The following GABRP variants were observed in gnomAD, a reference collection of about 807,000 sequenced individuals.
GABRP encodes gamma-aminobutyric acid type A receptor subunit pi, also known as gamma-aminobutyric acid receptor subunit pi.
A neutral mutation model predicts 47.8 loss-of-function variants in GABRP; 52 were observed. The ratio of observed to expected loss-of-function variants is 1.09; its 90% confidence interval spans 0.87 to 1.37. The LOEUF is 1.37. Ranked by LOEUF, GABRP falls within the 40% of genes most tolerant of loss-of-function variation. The pLI is 0.00. For synonymous variants in GABRP, 221 were observed against 205.8 expected (o/e 1.07, Z -0.63); for missense variants, 525 against 542.8 (o/e 0.97, Z 0.33).
At chr5:170,797,005 A>G (rs1765447259) in intron 5 of GABRP, among the ~76,000 whole-genome samples, 1 of 152,200 alleles carries the variant, frequency 6.6e-6, no homozygotes, top group Non-Finnish European at 1.5e-5. Context: ...GCAGGGCCTC[A>G]TGAGAAGAGC....
intron 6 of GABRP, among the ~76,000 whole-genome samples, chr5:170,804,008 T>C (rs1765661241): frequency 2.0e-5 from 3 of 152,152 alleles, no homozygotes; most frequent in African/African-American, 7.2e-5. Flanking sequence ...CCACAGGTGA[T>C]CCACCTGCCT....
chr5:170,795,423 C>T lies in GABRP; in HGVS notation c.456C>T (p.Leu152=). 2.5e-6 allele frequency: 4 copies of T among 1,613,528 alleles called. No homozygotes were observed. Among genetic ancestry groups the T allele is most frequent in the Non-Finnish European group, 3.4e-6 (4 of 1,179,470 alleles). ...LFSNGTVLYA[L]RITTTVACNM... ...CCAATGGCACGGTCCTGTATGCCCT[C>T]AGGTACGCGGACACCTGTGACCTCA... The change falls in exon 5 of 10, where the codon CTC becomes CTT. Residue 152 remains leucine, a splice_region_variant and synonymous_variant. Coordinates refer to ENST00000265294, the MANE Select transcript of GABRP (RefSeq NM_014211.3).
intron 6 of GABRP, among the ~76,000 whole-genome samples, chr5:170,798,381 C>T (rs938504996): frequency 1.8e-4 from 27 of 152,156 alleles, no homozygotes; most frequent in African/African-American, 3.9e-4. Flanking sequence ...GTTACTTCCA[C>T]GTGAAATTCC....
rs1765954688 is a variant in GABRP at position 170,813,884 on chromosome 5, A to T, written c.*1626A>T. 1 of 152,150 alleles carries T rather than the reference A, an allele frequency of 6.6e-6. No individual in the cohort carries two copies. The highest frequency in any genetic ancestry group is 2.4e-5 in the African/African-American group (1 of 41,422). 9.4% of individuals were successfully genotyped at this position (152,150 alleles called of 1,614,324 possible). A position where few individuals can be genotyped will look rare whatever the true frequency, so the allele number is the denominator to read the frequency against. ...AATGGGTGGGAGTGCTGGTGAAAAGAGGTGAAATGTGGTTGTATGAGCCAA... is the reference window on the plus strand; with the variant it reads ...AATGGGTGGGAGTGCTGGTGAAAAGTGGTGAAATGTGGTTGTATGAGCCAA... On this transcript the variant is annotated 3_prime_UTR_variant, in exon 10 of 10. Transcript: ENST00000265294.
At position 170,788,653 on chromosome 5, in the gene GABRP, G is replaced by A; in HGVS notation, c.38G>A (p.Ser13Asn). The A allele has an allele frequency of 6.2e-7, 1 of 1,614,112 alleles. No individual in the cohort carries two copies. Among genetic ancestry groups the A allele is most frequent in the Non-Finnish European group, 8.5e-7 (1 of 1,180,008 alleles). ...CTCCACTTGGCCTTCGTGTGTCTGA[G>A]TCTCTTCACTGAGAGGTGAGCTTTG... ...YSLHLAFVCLSLFTERMCIQG... is the reference protein window; with the variant it reads ...YSLHLAFVCLNLFTERMCIQG... The change falls in exon 2 of 10, where the codon AGT becomes AAT. Residue 13 changes from serine to asparagine, a missense_variant. By Grantham distance (46) the Ser-to-Asn change is conservative. Transcript: ENST00000265294.
intron 1 of GABRP, among the ~76,000 whole-genome samples, chr5:170,784,695 C>T (rs1356854570): frequency 2.6e-5 from 4 of 152,172 alleles, no homozygotes; most frequent in South Asian, 4.1e-4. Flanking sequence ...ATGGAAGACA[C>T]GGAAGGCAGA....
intron 1 of GABRP, among the ~76,000 whole-genome samples, chr5:170,784,993 T>C (rs1765091423): frequency 6.6e-6 from 1 of 152,212 alleles, no homozygotes; most frequent in Non-Finnish European, 1.5e-5. Context: ...GGACAACCCT[T>C]AGGACACTGC....
upstream of GABRP, among the ~76,000 whole-genome samples, chr5:170,783,247 T>G (rs1765050914): frequency 6.6e-6 from 1 of 152,172 alleles, no homozygotes. Flanking sequence ...TATGAAAGTC[T>G]CTTTTAACAT....
chr5:170,796,734 G>C lies in GABRP; in HGVS notation c.459-732G>C, dbSNP rs541765466. 2.6e-5 allele frequency among the ~76,000 whole-genome samples: 4 copies of C among 152,328 alleles called. No individual in the cohort carries two copies. The South Asian group carries it at 8.3e-4, about 32-fold the overall frequency. ...TTGTTAGTCTCTGTCTCCCTAAAGG[G>C]AGTGTGAGTGAGCATCCTGGAGGTG... On this transcript the variant is annotated intron_variant, in intron 5 of 9. Transcript: ENST00000265294.
chr5:170,791,405 AG>A (rs1354271750), intron 3 of GABRP, among the ~76,000 whole-genome samples: 1 of 152,250 alleles, frequency 6.6e-6, no homozygotes, highest in Non-Finnish European at 1.5e-5. Flanking sequence ...CCCAGTTTTC[AG>A]GACCCCAAGT....
intron 8 of GABRP, among the ~76,000 whole-genome samples, 191 bp downstream of exon 8, chr5:170,808,943 T>G (rs1284805254): frequency 7.1e-6 from 1 of 141,016 alleles, no homozygotes; most frequent in Non-Finnish European, 1.5e-5. Flanking sequence ...TTTGTTGTTG[T>G]TTTTTTTTTG....
chr5:170,793,968 A>T (rs1280400087), intron 3 of GABRP, among the ~76,000 whole-genome samples: 3 of 152,162 alleles, frequency 2.0e-5, no homozygotes, highest in Admixed American at 2.0e-4. Context: ...AAAAAGCATT[A>T]ATTATGCAGG....
At chr5:170,806,679 T>C (rs138049977) in intron 7 of GABRP, among the ~76,000 whole-genome samples, 1,721 of 152,178 alleles carry the variant, frequency 0.011, 32 homozygotes, top group African/African-American at 0.039. Flanking sequence ...TGACCTCAAG[T>C]GATCCACCCG....
At chr5:170,794,503 A>G (rs777372560) in intron 4 of GABRP, 62 of 389,880 alleles carry the variant, frequency 1.6e-4, no homozygotes, top group Non-Finnish European at 2.6e-4. Context: ...GAGTAAGACA[A>G]TGGAAGATTC....
intron 6 of GABRP, among the ~76,000 whole-genome samples, chr5:170,799,711 T>A (rs896792027): frequency 1.1e-4 from 16 of 152,266 alleles, no homozygotes; most frequent in African/African-American, 3.9e-4. Context: ...ATTGCAAAAA[T>A]TTTCCCCCAT....
intron 2 of GABRP, 95 bp from the exon 3 acceptor site, chr5:170,789,034 C>G (rs2127250587): frequency 1.1e-6 from 1 of 917,472 alleles, no homozygotes; most frequent in African/African-American, 1.6e-5. Context: ...GCACATACAC[C>G]CACACACACG....
intron 8 of GABRP, 108 bp downstream of exon 8, chr5:170,808,860 G>A: frequency 1.1e-6 from 1 of 887,146 alleles, no homozygotes; most frequent in Non-Finnish European, 1.7e-6. Context: ...TCCAAGAGTT[G>A]TTTTCTTGGG....
At chr5:170,793,951 A>G (rs1765350233) in intron 3 of GABRP, among the ~76,000 whole-genome samples, 1 of 152,148 alleles carries the variant, frequency 6.6e-6, no homozygotes, top group Admixed American at 6.5e-5. Flanking sequence ...TAATAATAAT[A>G]ATAATTAAAA....
intron 1 of GABRP, among the ~76,000 whole-genome samples, chr5:170,786,968 T>C (rs1765145285): frequency 6.6e-6 from 1 of 151,576 alleles, no homozygotes; most frequent in South Asian, 2.1e-4. Context: ...AGAGAAGAAA[T>C]GGGGGGGGAC....
Sources: allele counts gnomAD v4.1 joint callset (sites outside exome capture counted in the v4.1 genomes callset), GRCh38; gene constraint gnomAD v4.1.1; transcripts MANE v1.5; gene names NCBI Gene and HGNC (gene_info 2026-07-23, HGNC 2026-07-21).